Variants in PDE1C observed in about 807,000 individuals in gnomAD.
PDE1C encodes the protein dual specificity calcium/calmodulin-dependent 3',5'-cyclic nucleotide phosphodiesterase 1C.
In PDE1C, 62 loss-of-function variants were observed where a neutral mutation model predicts 93.1. That is an observed-to-expected ratio of 0.67 (90% CI 0.54 to 0.82). PDE1C has a LOEUF of 0.82. Among genes scored for constraint, PDE1C ranks in the 40% least tolerant of loss-of-function variants. The pLI is 0.00. For synonymous variants in PDE1C, 325 were observed against 310.1 expected (o/e 1.05, Z -0.50); for missense variants, 742 against 884.6 (o/e 0.84, Z 2.04).
chr7:32,052,127 AC>A (rs1793466646), intron 1 of PDE1C, among the ~76,000 whole-genome samples: 1 of 152,186 alleles, frequency 6.6e-6, no homozygotes, highest in Admixed American at 6.5e-5. Context: ...ATGCAGCTAA[AC>A]TATGAGATGA....
At chr7:31,987,328 T>C (rs1783544566) in intron 2 of PDE1C, among the ~76,000 whole-genome samples, 1 of 152,146 alleles carries the variant, frequency 6.6e-6, no homozygotes, top group Non-Finnish European at 1.5e-5. Flanking sequence ...TTTAAAGGAT[T>C]TACTCCCAGC....
chr7:32,359,013 G>A (rs1032171666), intron 1 of PDE1C, among the ~76,000 whole-genome samples: 9 of 151,936 alleles, frequency 5.9e-5, no homozygotes, highest in African/African-American at 9.7e-5. Flanking sequence ...GGCCTGCATC[G>A]AATCCTGCTA....
At chr7:31,822,578 T>A (rs1202913087) in intron 14 of PDE1C, among the ~76,000 whole-genome samples, 5 of 152,152 alleles carry the variant, frequency 3.3e-5, no homozygotes, top group Non-Finnish European at 5.9e-5. Context: ...TCTCAGAAGA[T>A]CAGTTATATG....
chr7:31,875,650 C>T (rs1796453821), intron 5 of PDE1C, among the ~76,000 whole-genome samples: 2 of 151,364 alleles, frequency 1.3e-5, no homozygotes, highest in Non-Finnish European at 2.9e-5. Flanking sequence ...CATCTCCTCC[C>T]ACTTTAAGCC....
At chr7:32,387,683 C>A (rs1171276654) in intron 1 of PDE1C, among the ~76,000 whole-genome samples, 2 of 125,568 alleles carry the variant, frequency 1.6e-5, no homozygotes, top group African/African-American at 3.2e-5. Flanking sequence ...GGGGGGCTGA[C>A]CCCCCCCACC....
intron 1 of PDE1C, among the ~76,000 whole-genome samples, chr7:32,393,069 A>AAG (rs1179170213): frequency 3.3e-5 from 5 of 150,706 alleles, no homozygotes; most frequent in Admixed American, 1.3e-4. Flanking sequence ...AAAAAAAAAA[A>AAG]AAAGCACACA....
Position 32,037,755 on chromosome 7 carries a change from G to A in PDE1C, c.128+13799C>T, listed in dbSNP as rs115197744. Reference sequence around the variant, plus strand: ...TCCAATTATGTCATTAGCTCCTTGAGGGCAGAAACCACATTTCATTTTTTG... The same window carrying A: ...TCCAATTATGTCATTAGCTCCTTGAAGGCAGAAACCACATTTCATTTTTTG... On this transcript the variant is annotated intron_variant, in intron 2 of 17. Transcript: ENST00000396191. 6.3e-3 allele frequency among the ~76,000 whole-genome samples: 958 copies of A among 152,130 alleles called. 7 individuals carry two copies. The highest frequency in any genetic ancestry group is 0.022 in the African/African-American group (916 of 41,502).
At chr7:32,200,265 T>C (rs1804914941) in intron 2 of PDE1C, among the ~76,000 whole-genome samples, 1 of 152,212 alleles carries the variant, frequency 6.6e-6, no homozygotes, top group Non-Finnish European at 1.5e-5. Flanking sequence ...GTTGGTCTTG[T>C]TTTCTCCATG....
chr7:31,823,046 G>A, intron 14 of PDE1C, 27 bp downstream of exon 14: 1 of 1,573,642 alleles, frequency 6.4e-7, no homozygotes, highest in Non-Finnish European at 8.6e-7. Flanking sequence ...ATGCTGAATT[G>A]GTTTGGACAG....
chr7:31,671,890 T>C, the PDE1C span, among the ~76,000 whole-genome samples: 1 of 152,162 alleles, frequency 6.6e-6, no homozygotes, highest in Non-Finnish European at 1.5e-5. Flanking sequence ...TTTTTCCTCC[T>C]CTCTCACCTA....
chr7:31,658,060 C>T, the PDE1C span, among the ~76,000 whole-genome samples: 1 of 152,186 alleles, frequency 6.6e-6, no homozygotes, highest in Non-Finnish European at 1.5e-5. Context: ...ACTCAAGTCA[C>T]ATCTTTTCCT....
At chr7:32,101,034 G>A (rs542133803) in intron 3 of PDE1C, among the ~76,000 whole-genome samples, 1 of 152,248 alleles carries the variant, frequency 6.6e-6, no homozygotes, top group Admixed American at 6.5e-5. Flanking sequence ...TGCTAAATAT[G>A]GGACCACCAT....
chr7:32,395,769 G>A (rs1784830471), intron 1 of PDE1C, among the ~76,000 whole-genome samples: 1 of 152,100 alleles, frequency 6.6e-6, no homozygotes, highest in South Asian at 2.1e-4. Flanking sequence ...AGAGATATTT[G>A]TTAGAGATAT....
At chr7:31,622,103 A>C in the PDE1C span, among the ~76,000 whole-genome samples, 2 of 138,992 alleles carry the variant, frequency 1.4e-5, no homozygotes, top group East Asian at 4.2e-4. Flanking sequence ...AGATTCATAA[A>C]GCAAGTCCTG....
At chr7:32,044,412 C>A (rs531791805) in intron 2 of PDE1C, among the ~76,000 whole-genome samples, 1 of 152,214 alleles carries the variant, frequency 6.6e-6, no homozygotes, top group East Asian at 1.9e-4. Context: ...CAAGTGTAGG[C>A]AGCCTTAAAA....
chr7:31,820,505 C>G (rs539656144), intron 14 of PDE1C: 37 of 152,180 alleles, frequency 2.4e-4, no homozygotes, highest in Admixed American at 1.2e-3. Flanking sequence ...TTTAATCTTT[C>G]CTAATAATTA....
the PDE1C span, among the ~76,000 whole-genome samples, chr7:31,678,614 C>T: frequency 6.6e-6 from 1 of 152,086 alleles, no homozygotes; most frequent in African/African-American, 2.4e-5. Flanking sequence ...TCAGATACTT[C>T]GATAGTATTA....
chr7:31,895,917 C>G (rs1799249360), intron 2 of PDE1C, among the ~76,000 whole-genome samples: 1 of 152,028 alleles, frequency 6.6e-6, no homozygotes, highest in Non-Finnish European at 1.5e-5. Flanking sequence ...CATTAAACCT[C>G]TTTTTCTTTA....
At chr7:31,657,581 C>T in the PDE1C span, among the ~76,000 whole-genome samples, 1 of 152,136 alleles carries the variant, frequency 6.6e-6, no homozygotes, top group Admixed American at 6.6e-5. Context: ...TACCACTTGC[C>T]CACTGCCAAG....
Sources: allele counts gnomAD v4.1 joint callset (sites outside exome capture counted in the v4.1 genomes callset), GRCh38; gene constraint gnomAD v4.1.1; transcripts MANE v1.5; gene names NCBI Gene and HGNC (gene_info 2026-07-23, HGNC 2026-07-21).